U2AF2: variants seen among roughly 807,000 people sequenced by gnomAD.
U2AF2 encodes splicing factor U2AF 65 kDa subunit.
Under a neutral mutation model 52.6 loss-of-function variants are expected in U2AF2, and 6 were observed. The observed-to-expected ratio is 0.11, with a 90% CI of 0.06 to 0.23. The LOEUF is 0.23. U2AF2 is among the 10% of genes least tolerant of loss of function. The pLI, the probability that U2AF2 is intolerant of heterozygous loss-of-function variation, is 1.00. For missense variants in U2AF2, 222 were observed against 677.1 expected (o/e 0.33, Z 7.46); for synonymous variants, 284 against 258.2 (o/e 1.10, Z -0.96).
chr19:55,671,653 C>G (rs1984928479), intron 11 of U2AF2: 1 of 152,338 alleles, frequency 6.6e-6, no homozygotes, highest in Admixed American at 6.5e-5. Context: ...CACTGCAGCT[C>G]CTGCCCACTG....
In U2AF2 at chr19:55,664,464, T is replaced by C. The variant is rs1480650292; in HGVS notation, c.742+720T>C. ...ATGGGCCCTGTCAGCCCACAGGCTA[T>C]AGTTGGCTGACCCTTGTAGCTGATG... On this transcript the variant is annotated intron_variant, in intron 7 of 11. Transcript: ENST00000308924. Among the ~76,000 whole-genome samples, 4 of 152,298 alleles carry C rather than the reference T, an allele frequency of 2.6e-5. No homozygotes were observed. In the East Asian group the frequency reaches 7.7e-4, roughly 29 times the overall value.
intron 1 of U2AF2, among the ~76,000 whole-genome samples, chr19:55,658,336 G>C (rs572760528): frequency 7.4e-6 from 1 of 135,856 alleles, no homozygotes; most frequent in Non-Finnish European, 1.5e-5. Context: ...CATCTTGAAG[G>C]GCCGGTCTCT....
intron 6 of U2AF2, 79 bp downstream of exon 6, chr19:55,662,697 C>A (rs1984294299): frequency 2.3e-6 from 3 of 1,283,442 alleles, no homozygotes; most frequent in Admixed American, 1.8e-5. Flanking sequence ...TTGTGTGGAG[C>A]TGCCTTGTGC....
Position 55,655,044 on chromosome 19 carries a change from G to A in U2AF2, c.-61G>A, listed in dbSNP as rs1272801483. ...AGCCAGCGGCGGAAGTAGCCGAAGC[G>A]GCTGGAGCGGGCGGCAAGGCGAGGC... is the stretch of plus-strand genomic sequence containing the variant. On this transcript the variant is annotated 5_prime_UTR_variant, in exon 1 of 12. Transcript: ENST00000308924. The A allele has an allele frequency of 1.3e-6, 2 of 1,593,798 alleles. No individual in the cohort carries two copies. Among genetic ancestry groups the A allele is most frequent in the East Asian group, 4.6e-5 (2 of 43,410 alleles).
Position 55,674,393 on chromosome 19 carries a change from T to A in U2AF2, c.*325T>A, listed in dbSNP as rs1985157422. The stretch of plus-strand genomic sequence containing the variant: ...CCCCAGCCCCTCCCAAAACAGCCTC[T>A]CCTTCTCCCATAGACCCCTTTCTTC... On this transcript the variant is annotated 3_prime_UTR_variant, in exon 12 of 12. Coordinates refer to ENST00000308924, the MANE Select transcript of U2AF2 (RefSeq NM_007279.3). 3.3e-6 allele frequency: 1 copy of A among 304,210 alleles called. No individual in the cohort carries two copies. The allele number at this position is 304,210 out of a possible 1,614,324, so 18.8% of individuals were successfully genotyped here. A position where few individuals can be genotyped will look rare whatever the true frequency, so the allele number is the denominator to read the frequency against.
rs1319396937 is a variant in U2AF2 at position 55,668,637 on chromosome 19, A to G, written c.823-33A>G. The G allele has an allele frequency of 2.6e-6, 4 of 1,545,964 alleles. No homozygotes were observed. The East Asian group carries it at 9.6e-5, about 37-fold the overall frequency. On this transcript the variant is annotated intron_variant, in intron 8 of 11. Coordinates refer to ENST00000308924, the MANE Select transcript of U2AF2 (RefSeq NM_007279.3). This position sits in a 1 kb window ranked among gnomAD's most constrained non-coding sequence, Gnocchi z 5.5. ...CCGTCCCCCCACCCCGCCCCACCTC[A>G]TCCCAGCCCTGATGGACTCTCGGCT...
At chr19:55,659,080 C>T (rs751135455) in intron 1 of U2AF2, 130 bp from the exon 2 acceptor site, 148 of 1,323,942 alleles carry the variant, frequency 1.1e-4, no homozygotes, top group Non-Finnish European at 1.4e-4. Flanking sequence ...TAATTCCCTT[C>T]CTCCATTGAA....
At chr19:55,659,606 C>G (rs1214182849) in intron 2 of U2AF2, among the ~76,000 whole-genome samples, 1 of 151,484 alleles carries the variant, frequency 6.6e-6, no homozygotes, top group Non-Finnish European at 1.5e-5. Flanking sequence ...TTATCTGGAG[C>G]CTGGGAATTG....
chr19:55,666,185 C>T lies in U2AF2; in HGVS notation c.743-2322C>T, dbSNP rs374300625. 2.4e-4 allele frequency among the ~76,000 whole-genome samples: 36 copies of T among 152,326 alleles called. No individual in the cohort carries two copies. In the East Asian group the frequency reaches 4.1e-3, roughly 17 times the overall value. ...GCTGCCGAGCTCCTCTCAGGCGCCCCCTGCACCAAGATGGCCTGGTCACCA... is the reference window on the plus strand; with the variant it reads ...GCTGCCGAGCTCCTCTCAGGCGCCCTCTGCACCAAGATGGCCTGGTCACCA... On this transcript the variant is annotated intron_variant, in intron 7 of 11. Coordinates refer to ENST00000308924, the MANE Select transcript of U2AF2 (RefSeq NM_007279.3).
chr19:55,673,900 C>T (rs779215610), intron 11 of U2AF2, 34 bp from the exon 12 acceptor site: 2 of 1,593,254 alleles, frequency 1.3e-6, no homozygotes, highest in Admixed American at 1.7e-5. Context: ...GGGCGTGAGC[C>T]TTGTTCACAA....
At chr19:55,661,000 C>T (rs1568549844) in intron 4 of U2AF2, 38 bp from the exon 5 acceptor site, 2 of 1,545,286 alleles carry the variant, frequency 1.3e-6, no homozygotes, top group African/African-American at 1.4e-5. Flanking sequence ...TGAGCATTCC[C>T]CTGATGGGGT....
intron 5 of U2AF2, among the ~76,000 whole-genome samples, chr19:55,661,545 C>T (rs1037524559): frequency 2.0e-5 from 3 of 150,620 alleles, no homozygotes; most frequent in East Asian, 2.0e-4. Flanking sequence ...CACACACAGA[C>T]GCACGCTGCC....
chr19:55,661,235 C>T, intron 5 of U2AF2, 46 bp downstream of exon 5: 1 of 1,475,464 alleles, frequency 6.8e-7, no homozygotes, highest in South Asian at 1.3e-5. Context: ...TCCCTCTACC[C>T]CGTTCCTCCC....
chr19:55,667,484 C>G (rs1984617461), intron 7 of U2AF2, among the ~76,000 whole-genome samples: 1 of 152,206 alleles, frequency 6.6e-6, no homozygotes, highest in South Asian at 2.1e-4. Flanking sequence ...GTTGAATCAT[C>G]CCACCAGCAG....
intron 2 of U2AF2, among the ~76,000 whole-genome samples, chr19:55,659,786 G>C (rs1984043589): frequency 6.6e-6 from 1 of 152,106 alleles, no homozygotes; most frequent in Non-Finnish European, 1.5e-5. Context: ...TTGGGACCGA[G>C]GCAGTATCCA....
chr19:55,660,915 G>T, intron 4 of U2AF2, 123 bp from the exon 5 acceptor site: 2 of 1,442,952 alleles, frequency 1.4e-6, no homozygotes, highest in South Asian at 1.5e-5. Context: ...GGTTCTGGAA[G>T]GTGCTAAGAC....
intron 1 of U2AF2, 99 bp from the exon 2 acceptor site, chr19:55,659,111 C>A: frequency 7.3e-7 from 1 of 1,373,024 alleles, no homozygotes; most frequent in Non-Finnish European, 9.5e-7. Flanking sequence ...TTGGGGGTGG[C>A]CTCCCTGGGG....
chr19:55,665,623 A>G (rs961582937), intron 7 of U2AF2, among the ~76,000 whole-genome samples: 1 of 152,250 alleles, frequency 6.6e-6, no homozygotes, highest in Non-Finnish European at 1.5e-5. Flanking sequence ...TGAGAGTCCA[A>G]CGCTGGCCCA....
At chr19:55,673,790 G>C in intron 11 of U2AF2, 144 bp from the exon 12 acceptor site, 9 of 1,155,006 alleles carry the variant, frequency 7.8e-6, no homozygotes, top group Non-Finnish European at 6.0e-6. Flanking sequence ...CACCAAACCT[G>C]CTTACTAAGG....
Sources: gnomAD v4.1 joint callset for allele counts (sites outside exome capture counted in the v4.1 genomes callset) on GRCh38, gnomAD v4.1.1 for gene constraint, Gnocchi (gnomAD v3.1) non-coding constraint, MANE v1.5 for transcripts, NCBI Gene and HGNC (gene_info 2026-07-23, HGNC 2026-07-21) for gene names.